Variants in TMEM132B observed in about 807,000 individuals in gnomAD.
TMEM132B encodes transmembrane protein 132B.
Under a neutral mutation model 90.8 loss-of-function variants are expected in TMEM132B, and 18 were observed. The observed-to-expected ratio is 0.20, with a 90% CI of 0.14 to 0.29. TMEM132B has a LOEUF of 0.29. Among genes scored for constraint, TMEM132B ranks in the 10% least tolerant of loss-of-function variants. TMEM132B has a pLI of 1.00. For synonymous variants in TMEM132B, 504 were observed against 523.3 expected (o/e 0.96, Z 0.50); for missense variants, 1,096 against 1,326.8 (o/e 0.83, Z 2.70).
chr12:125,383,796 C>G (rs375206086), intron 2 of TMEM132B, among the ~76,000 whole-genome samples: 1 of 152,328 alleles, frequency 6.6e-6, no homozygotes, highest in East Asian at 1.9e-4. Flanking sequence ...GGCGAAGGCT[C>G]TAAAATGCCT....
At chr12:125,346,274 C>G (rs1877359492) in intron 1 of TMEM132B, among the ~76,000 whole-genome samples, 1 of 152,134 alleles carries the variant, frequency 6.6e-6, no homozygotes, top group Non-Finnish European at 1.5e-5. Context: ...AAACAATAAA[C>G]CAATCTACAG....
At chr12:125,387,171 G>C (rs374577425) in intron 2 of TMEM132B, among the ~76,000 whole-genome samples, 2 of 151,780 alleles carry the variant, frequency 1.3e-5, no homozygotes, top group East Asian at 1.9e-4. Flanking sequence ...GAGATGGTGG[G>C]GGGGTGGGTA....
intron 1 of TMEM132B, among the ~76,000 whole-genome samples, chr12:125,327,095 G>C (rs761993821): frequency 4.0e-4 from 61 of 151,656 alleles, no homozygotes; most frequent in Non-Finnish European, 7.4e-4. Flanking sequence ...TCTCCACCAA[G>C]GCTCTCTTTC....
intron 2 of TMEM132B, among the ~76,000 whole-genome samples, chr12:125,383,547 C>T (rs1050845520): frequency 6.6e-6 from 1 of 152,166 alleles, no homozygotes; most frequent in African/African-American, 2.4e-5. Context: ...GGGAAGTTGG[C>T]ATTGTCTCTC....
intron 4 of TMEM132B, among the ~76,000 whole-genome samples, chr12:125,559,928 G>A (rs894698705): frequency 1.8e-4 from 27 of 152,296 alleles, no homozygotes; most frequent in African/African-American, 6.3e-4. Context: ...GCAGCTCCAC[G>A]TGTGATAAGG....
intron 2 of TMEM132B, among the ~76,000 whole-genome samples, chr12:125,363,213 A>C (rs537042603): frequency 6.6e-6 from 1 of 152,312 alleles, no homozygotes; most frequent in Non-Finnish European, 1.5e-5. Flanking sequence ...TAAAAAATGA[A>C]GGCTCAATTG....
At chr12:125,423,250 G>A (rs915733857) in intron 3 of TMEM132B, among the ~76,000 whole-genome samples, 1 of 152,218 alleles carries the variant, frequency 6.6e-6, no homozygotes, top group Non-Finnish European at 1.5e-5. Flanking sequence ...ATGGATTTGA[G>A]ATACACAATT....
At chr12:125,259,098 G>C (rs1874503210) in intron 1 of TMEM132B, among the ~76,000 whole-genome samples, 1 of 152,172 alleles carries the variant, frequency 6.6e-6, no homozygotes, top group South Asian at 2.1e-4. Context: ...AAAAGTCTCT[G>C]GGTGGGAATG....
intron 2 of TMEM132B, among the ~76,000 whole-genome samples, chr12:125,366,128 T>C (rs1280396128): frequency 6.6e-6 from 1 of 152,142 alleles, no homozygotes; most frequent in Admixed American, 6.6e-5. Context: ...GATATTTGTC[T>C]TTCTGTGCCT....
intron 3 of TMEM132B, among the ~76,000 whole-genome samples, chr12:125,478,904 G>A (rs1881963378): frequency 6.6e-6 from 1 of 152,250 alleles, no homozygotes; most frequent in African/African-American, 2.4e-5. Context: ...CAGACTAATA[G>A]CAGATCTCTC....
At chr12:125,417,797 TC>T (rs1880058084) in intron 3 of TMEM132B, among the ~76,000 whole-genome samples, 1 of 152,176 alleles carries the variant, frequency 6.6e-6, no homozygotes, top group African/African-American at 2.4e-5. Flanking sequence ...AAAGCTGCTG[TC>T]CCCAGATAGG....
At chr12:125,388,791 A>G (rs778545314) in intron 2 of TMEM132B, among the ~76,000 whole-genome samples, 134 of 152,358 alleles carry the variant, frequency 8.8e-4, no homozygotes, top group Non-Finnish European at 1.7e-3. Flanking sequence ...CTGCCCCAGC[A>G]GCTATTGCAC....
chr12:125,274,584 C>G (rs1428479716), intron 1 of TMEM132B, among the ~76,000 whole-genome samples: 1 of 152,228 alleles, frequency 6.6e-6, no homozygotes, highest in Admixed American at 6.5e-5. Flanking sequence ...TGAGTGCTGC[C>G]TGCGACTATC....
intron 2 of TMEM132B, among the ~76,000 whole-genome samples, chr12:125,387,464 G>C (rs1467414207): frequency 6.6e-6 from 1 of 152,168 alleles, no homozygotes; most frequent in Non-Finnish European, 1.5e-5. Flanking sequence ...TGGTCTTCTT[G>C]GTCTTTTGTG....
chr12:125,299,939 G>T (rs1425961096), intron 1 of TMEM132B, among the ~76,000 whole-genome samples: 1 of 152,198 alleles, frequency 6.6e-6, no homozygotes, highest in Non-Finnish European at 1.5e-5. Context: ...CTCCCTGCTG[G>T]CTTCCTTCCT....
intron 1 of TMEM132B, among the ~76,000 whole-genome samples, chr12:125,231,938 T>A (rs1873835409): frequency 6.6e-6 from 1 of 151,866 alleles, no homozygotes; most frequent in African/African-American, 2.4e-5. Context: ...CTCTCCATAA[T>A]TCTAGAAAAA....
chr12:125,619,661 G>A lies in TMEM132B; in HGVS notation c.1438-24415G>A, dbSNP rs371239080. ...ATTACAGGCGTGAGCCACCATGCCCGGCCCTGCTGTGGCATTTAACTGGGC... is the reference window on the plus strand; with the variant it reads ...ATTACAGGCGTGAGCCACCATGCCCAGCCCTGCTGTGGCATTTAACTGGGC... On this transcript the variant is annotated intron_variant, in intron 5 of 8. Coordinates refer to ENST00000682704, the MANE Select transcript of TMEM132B (RefSeq NM_001366854.1). Among the ~76,000 whole-genome samples the A allele has an allele frequency of 6.6e-5, 10 of 152,028 alleles. No individual in the cohort carries two copies. In the East Asian group the frequency reaches 9.7e-4, roughly 15 times the overall value.
At chr12:125,512,618 A>C (rs1474432859) in intron 3 of TMEM132B, among the ~76,000 whole-genome samples, 2 of 152,170 alleles carry the variant, frequency 1.3e-5, no homozygotes, top group Non-Finnish European at 2.9e-5. Context: ...GAATGTTTTG[A>C]GTCCTAAAAG....
intron 2 of TMEM132B, among the ~76,000 whole-genome samples, chr12:125,372,794 G>A (rs1343491923): frequency 6.6e-6 from 1 of 152,088 alleles, no homozygotes. Context: ...TGTTCATGAC[G>A]GACCACCCAC....
Sources: allele counts gnomAD v4.1 joint callset (sites outside exome capture counted in the v4.1 genomes callset), GRCh38; gene constraint gnomAD v4.1.1; transcripts MANE v1.5; gene names NCBI Gene and HGNC (gene_info 2026-07-23, HGNC 2026-07-21).